The following ADGRL1 variants were observed in gnomAD, a reference collection of about 807,000 sequenced individuals.
The protein encoded by ADGRL1 is adhesion G protein-coupled receptor L1.
A neutral mutation model predicts 148.9 loss-of-function variants in ADGRL1; 31 were observed. The observed-to-expected ratio is 0.21, with a 90% CI of 0.16 to 0.28. The LOEUF (loss-of-function observed/expected upper bound fraction) is 0.28, where lower values mean the gene tolerates loss of function less well. Ranked by LOEUF, ADGRL1 falls within the 10% of genes least tolerant of loss-of-function variation. The pLI is 1.00. For missense variants in ADGRL1, 1,521 were observed against 2,058.8 expected (o/e 0.74, Z 5.05); for synonymous variants, 937 against 900.3 (o/e 1.04, Z -0.73).
At chr19:14,195,610 C>T (rs552172927) in intron 1 of ADGRL1, among the ~76,000 whole-genome samples, 1 of 152,286 alleles carries the variant, frequency 6.6e-6, no homozygotes, top group East Asian at 1.9e-4. Context: ...AACCCAGCCG[C>T]CCATGAGCCC....
At chr19:14,166,562 C>G (rs944902337) in intron 4 of ADGRL1, among the ~76,000 whole-genome samples, 5 of 148,160 alleles carry the variant, frequency 3.4e-5, no homozygotes, top group African/African-American at 9.9e-5. Flanking sequence ...AGGGGAGAGA[C>G]AGAGAGAGAG....
chr19:14,152,795 T>A lies in ADGRL1; in HGVS notation c.3412A>T (p.Thr1138Ser). 6.2e-7 allele frequency: 1 copy of A among 1,614,082 alleles called. No individual in the cohort carries two copies. Among genetic ancestry groups the A allele is most frequent in the Middle Eastern group, 1.6e-4 (1 of 6,062 alleles). ...SAMRSNTRYYTGTQSRIRRMW... is the reference protein window; with the variant it reads ...SAMRSNTRYYSGTQSRIRRMW... ...GTCTGGCCCGATACCTGGGTCCCTG[T>A]GTAGTAGCGGGTGTTGCTTCGCATG... The change falls in exon 19 of 23, where the codon ACA becomes TCA. Residue 1138 changes from threonine (T) to serine (S), a missense_variant. Around this residue, in one of 8 missense-constraint regions of ADGRL1, gnomAD observed 185 missense variants for 251.7 expected, o/e 0.74. Transcript: ENST00000361434. The surrounding 1 kb of genome is among the most constrained non-coding windows in gnomAD (Gnocchi z 6.1).
At chr19:14,197,622 C>T (rs866044245) in intron 1 of ADGRL1, among the ~76,000 whole-genome samples, 11 of 152,216 alleles carry the variant, frequency 7.2e-5, no homozygotes, top group Non-Finnish European at 8.8e-5. Flanking sequence ...CTCCAAAGGG[C>T]TCTGCCCAGA....
Position 14,172,916 on chromosome 19 carries a change from AATT to A in ADGRL1, c.285-2128_285-2126del, listed in dbSNP as rs891709496. Among the ~76,000 whole-genome samples the A allele has an allele frequency of 4.2e-4, 64 of 152,096 alleles. 1 individual carries two copies. The highest frequency in any genetic ancestry group is 3.2e-4 in the Non-Finnish European group (22 of 68,018). ...TATGTAACAATATTTTACTACTAAA[AATT>A]ATTATTGTTGTTGTTAGTCTCTCAC... is the stretch of plus-strand genomic sequence containing the variant. On this transcript the variant is annotated intron_variant, in intron 3 of 22. Coordinates refer to ENST00000361434, the MANE Select transcript of ADGRL1 (RefSeq NM_014921.5).
chr19:14,159,415 G>C lies in ADGRL1; in HGVS notation c.2009C>G (p.Ala670Gly), dbSNP rs1464207318. 2 of 1,610,074 alleles carry C rather than the reference G, an allele frequency of 1.2e-6. No individual in the cohort carries two copies. Among genetic ancestry groups the C allele is most frequent in the Admixed American group, 1.7e-5 (1 of 59,718 alleles). Residue 670 changes from alanine to glycine, a missense_variant, in exon 10 of 23, where the codon GCC (alanine) becomes GGC (glycine). Physicochemically the swap from Ala to Gly is moderately conservative, Grantham distance 60 (BLOSUM62 0). Coordinates refer to ENST00000361434, the MANE Select transcript of ADGRL1 (RefSeq NM_014921.5). This position sits in a 1 kb window ranked among gnomAD's most constrained non-coding sequence, Gnocchi z 6.0. ...GTGGCACTCACCCACGTTCTCCTTGGCAGCCAGGAAGCGGGCAGGCTCCCT... is the reference window on the plus strand; with the variant it reads ...GTGGCACTCACCCACGTTCTCCTTGCCAGCCAGGAAGCGGGCAGGCTCCCT... ...NVREPARFLA[A>G]KENVVLEVTV...
Position 14,156,685 on chromosome 19 carries a change from G to A in ADGRL1, c.3006C>T (p.Phe1002=), listed in dbSNP as rs775304420. 5.0e-6 allele frequency: 8 copies of A among 1,611,750 alleles called. No individual in the cohort carries two copies. The highest frequency in any genetic ancestry group is 3.3e-5 in the South Asian group (3 of 90,664). ...CGATAACGAAGGAGACTGGCCCGAT[G>A]AAACTCCAGATGAAGTAATTGTCCA... ...LRVDNYFIWS[F]IGPVSFVIVV... Residue 1002 remains phenylalanine, a synonymous_variant, in exon 16 of 23, where the codon TTC becomes TTT. Transcript: ENST00000361434.
At chr19:14,170,635 C>G (rs939046742) in intron 4 of ADGRL1, 47 bp downstream of exon 4, 3 of 1,174,610 alleles carry the variant, frequency 2.6e-6, no homozygotes, top group East Asian at 2.4e-5. Context: ...TCCTCACTCA[C>G]TCATGCGAGA....
At position 14,160,079 on chromosome 19, in the gene ADGRL1, C is replaced by T. The variant is rs758576829; in HGVS notation, c.1800+33G>A. 14 of 1,549,498 alleles carry T rather than the reference C, an allele frequency of 9.0e-6. No homozygotes were observed. In the East Asian group the frequency reaches 3.2e-4, roughly 35 times the overall value. On this transcript the variant is annotated intron_variant, in intron 8 of 22. Transcript: ENST00000361434. This position sits in a 1 kb window ranked among gnomAD's most constrained non-coding sequence, Gnocchi z 5.9. Reference sequence around the variant, plus strand: ...AAGCCCCTGGGGGCAGGCGCCCTCCCCATACCAGGTCAGCGCCACCGCCAG... The same window carrying T: ...AAGCCCCTGGGGGCAGGCGCCCTCCTCATACCAGGTCAGCGCCACCGCCAG...
chr19:14,205,546 C>T (rs956100650), intron 1 of ADGRL1, among the ~76,000 whole-genome samples: 5 of 151,950 alleles, frequency 3.3e-5, no homozygotes, highest in Admixed American at 6.5e-5. Flanking sequence ...ACACGCACCC[C>T]CTCCGCTCAC....
In ADGRL1 at chr19:14,157,981, C is replaced by A; in HGVS notation, c.2436G>T (p.Ser812=). The part of the protein sequence containing the change: ...YSERSMLGYW[S]TQGCRLVESN... The stretch of plus-strand genomic sequence containing the variant: ...ACTCCACCAGGCGGCAGCCTTGGGT[C>A]GACCAGTAGCCCAGCATGGAACGCT... Residue 812 remains serine (S), a synonymous_variant, in exon 13 of 23, where the codon TCG becomes TCT. Coordinates refer to ENST00000361434, the MANE Select transcript of ADGRL1 (RefSeq NM_014921.5). The surrounding 1 kb of genome is among the most constrained non-coding windows in gnomAD (Gnocchi z 7.5). 6.2e-7 allele frequency: 1 copy of A among 1,614,176 alleles called. No individual in the cohort carries two copies. The highest frequency in any genetic ancestry group is 8.5e-7 in the Non-Finnish European group (1 of 1,180,024).
Position 14,156,564 on chromosome 19 carries a change from T to TGC in ADGRL1, c.3033+93_3033+94insGC, listed in dbSNP as rs1404237126. 5.8e-6 allele frequency: 3 copies of TGC among 519,140 alleles called. No individual in the cohort carries two copies. In the Admixed American group the frequency reaches 1.0e-4, roughly 18 times the overall value. The allele number at this position is 519,140 out of a possible 1,614,324, so 32.2% of individuals were successfully genotyped here. ...TGGAGAGAGAGAGAGTGTGTGTGTG[T>TGC]GTGGGGGGGGTGGGGGGCGGGGGCA... On this transcript the variant is annotated intron_variant, in intron 16 of 22. Transcript: ENST00000361434.
chr19:14,192,873 C>T (rs1367981500), intron 1 of ADGRL1, among the ~76,000 whole-genome samples: 1 of 152,136 alleles, frequency 6.6e-6, no homozygotes, highest in African/African-American at 2.4e-5. Context: ...TTTCTACTCC[C>T]AGAAGAATGG....
chr19:14,181,272 A>G (rs1163521759), intron 2 of ADGRL1, among the ~76,000 whole-genome samples: 1 of 152,240 alleles, frequency 6.6e-6, no homozygotes, highest in Non-Finnish European at 1.5e-5. Context: ...AAGAAACCAT[A>G]GAGACTGGCT....
intron 12 of ADGRL1, 79 bp from the exon 13 acceptor site, chr19:14,158,131 C>T (rs946555127): frequency 2.0e-6 from 3 of 1,468,356 alleles, no homozygotes; most frequent in Middle Eastern, 1.8e-4. Context: ...CACCTGGCAA[C>T]AGGGATGGTA....
At position 14,148,230 on chromosome 19, in the gene ADGRL1, G is replaced by A. The variant is rs1334445741; in HGVS notation, c.*2643C>T. The A allele has an allele frequency of 1.3e-5, 2 of 152,918 alleles. No homozygotes were observed. Among genetic ancestry groups the A allele is most frequent in the East Asian group, 3.9e-4 (2 of 5,182 alleles). The allele number at this position is 152,918 out of a possible 1,614,324, so 9.5% of individuals were successfully genotyped here. ...TTGGGGGGACACCTGGGCTCTGGGGGCGGCTTTGCACTGGACTGCAGTGAT... is the reference window on the plus strand; with the variant it reads ...TTGGGGGGACACCTGGGCTCTGGGGACGGCTTTGCACTGGACTGCAGTGAT... On this transcript the variant is annotated 3_prime_UTR_variant, in exon 23 of 23. Transcript: ENST00000361434.
intron 2 of ADGRL1, among the ~76,000 whole-genome samples, chr19:14,178,539 G>C (rs943398737): frequency 1.3e-5 from 2 of 152,046 alleles, no homozygotes; most frequent in Non-Finnish European, 2.9e-5. Flanking sequence ...TTGTTGTTAA[G>C]ATAGGATCTT....
intron 1 of ADGRL1, 67 bp from the exon 2 acceptor site, chr19:14,183,764 G>A: frequency 1.6e-6 from 1 of 626,326 alleles, no homozygotes; most frequent in Non-Finnish European, 2.8e-6. Context: ...CCTCCTGCTG[G>A]TGGCTGAGTA....
rs935065826 is a variant in ADGRL1, at chr19:14,151,490, G to C, written c.3793C>G (p.Arg1265Gly). The C allele has an allele frequency of 2.4e-5, 38 of 1,611,618 alleles. No individual in the cohort carries two copies. Among genetic ancestry groups the C allele is most frequent in the Non-Finnish European group, 3.2e-5 (38 of 1,179,150 alleles). Residue 1265 changes from arginine to glycine, a missense_variant, in exon 23 of 23, where the codon CGA (arginine) becomes GGA (glycine). By Grantham distance (125) the Arg-to-Gly change is moderately radical. This residue lies in a region of ADGRL1 where 390 missense variants were observed against 375.0 expected (regional missense o/e 1.04). Transcript: ENST00000361434. ...PPGDGGPEPPRGRNLADAAAF... is the reference protein window; with the variant it reads ...PPGDGGPEPPGGRNLADAAAF... Reference sequence around the variant, plus strand: ...GCCGCATCGGCTAGGTTCCGGCCTCGGGGCGGCTCAGGGCCCCCATCCCCG... The same window carrying C: ...GCCGCATCGGCTAGGTTCCGGCCTCCGGGCGGCTCAGGGCCCCCATCCCCG...
chr19:14,150,655 T>TG lies in ADGRL1; in HGVS notation c.*217dup, dbSNP rs1308808918. On this transcript the variant is annotated 3_prime_UTR_variant, in exon 23 of 23. Transcript: ENST00000361434. ...TCACTACACTTCCCCCAAATAGAGC[T>TG]GGTGCGTGTGGCTGGTGGGAAACCC... is the stretch of plus-strand genomic sequence containing the variant. 2 of 582,540 alleles carry TG rather than the reference T, an allele frequency of 3.4e-6. No homozygotes were observed. The highest frequency in any genetic ancestry group is 3.8e-5 in the African/African-American group (2 of 52,176). 36.1% of individuals were successfully genotyped at this position (582,540 alleles called of 1,614,324 possible).
Sources: allele counts gnomAD v4.1 joint callset (sites outside exome capture counted in the v4.1 genomes callset), GRCh38; gene constraint gnomAD v4.1.1; regional missense constraint gnomAD v4.1.1; non-coding constraint Gnocchi (gnomAD v3.1); transcripts MANE v1.5; gene names NCBI Gene and HGNC (gene_info 2026-07-23, HGNC 2026-07-21).